The following KRT1 variants were observed in gnomAD, a reference collection of about 807,000 sequenced individuals.
KRT1 encodes the protein keratin, type II cytoskeletal 1.
KRT1 carries 28 observed loss-of-function variants against 51.6 expected under a neutral mutation model. That is an observed-to-expected ratio of 0.54 (90% CI 0.40 to 0.74). The LOEUF is 0.74. KRT1 is among the 30% of genes least tolerant of loss of function. The pLI is 0.00. For synonymous variants in KRT1, 301 were observed against 307.7 expected (o/e 0.98, Z 0.23); for missense variants, 783 against 815.5 (o/e 0.96, Z 0.49).
Position 52,680,087 on chromosome 12 carries a change from T to C in KRT1, c.262A>G (p.Ser88Gly), listed in dbSNP as rs1941564164. 1 of 1,555,904 alleles carries C rather than the reference T, an allele frequency of 6.4e-7. No homozygotes were observed. Among genetic ancestry groups the C allele is most frequent in the Non-Finnish European group, 8.7e-7 (1 of 1,149,748 alleles). The change falls in exon 1 of 9, where the codon AGT (serine) becomes GGT (glycine). Residue 88 changes from serine to glycine, a missense_variant. Ser to Gly is a moderately conservative substitution (Grantham distance 56). Transcript: ENST00000252244. ...ISVARGGGRG[S>G]GFGGGYGGGG... The stretch of plus-strand genomic sequence containing the variant: ...CCACCATAACCACCACCAAAGCCAC[T>C]ACCACGTCCACCTCCTCTAGCCACA...
intron 5 of KRT1, 56 bp from the exon 6 acceptor site, chr12:52,677,240 C>A: frequency 6.2e-7 from 1 of 1,614,182 alleles, no homozygotes; most frequent in African/African-American, 1.3e-5. Flanking sequence ...ATGGCACAGG[C>A]ACACATACAT....
At chr12:52,677,605 A>G (rs1260824103) in intron 4 of KRT1, 45 bp downstream of exon 4, 7 of 1,607,502 alleles carry the variant, frequency 4.4e-6, no homozygotes, top group Non-Finnish European at 6.0e-6. Flanking sequence ...TTCAGGCTTA[A>G]AAACTCTCCA....
intron 3 of KRT1, 108 bp downstream of exon 3, chr12:52,678,055 G>T: frequency 9.5e-7 from 1 of 1,048,086 alleles, no homozygotes; most frequent in Non-Finnish European, 1.5e-6. Flanking sequence ...ATACTCCCCA[G>T]GTCTACTACC....
In KRT1 at chr12:52,675,213, A is replaced by C; in HGVS notation, c.1915T>G (p.Tyr639Asp). 6.2e-7 allele frequency: 1 copy of C among 1,613,874 alleles called. No individual in the cohort carries two copies. Among genetic ancestry groups the C allele is most frequent in the Non-Finnish European group, 8.5e-7 (1 of 1,180,034 alleles). Residue 639 changes from tyrosine to aspartate, a missense_variant, in exon 9 of 9, where the codon TAT becomes GAT. Physicochemically the swap from Tyr to Asp is radical, Grantham distance 160. Transcript: ENST00000252244. Reference protein sequence around the residue: ...SSSVKFVSTTYSGVTR With the variant: ...SSSVKFVSTTDSGVTR ...TCTCTTTATCTGGTTACTCCGGAAT[A>C]AGTGGTAGAAACAAACTTCACGCTG...
In KRT1 at chr12:52,674,828, A is replaced by C. The variant is rs752451295; in HGVS notation, c.*365T>G. 5 of 390,774 alleles carry C rather than the reference A, an allele frequency of 1.3e-5. No homozygotes were observed. The highest frequency in any genetic ancestry group is 2.0e-5 in the African/African-American group (1 of 49,150). The allele number at this position is 390,774 out of a possible 1,614,324, so 24.2% of individuals were successfully genotyped here. On this transcript the variant is annotated 3_prime_UTR_variant, in exon 9 of 9. Transcript: ENST00000252244. ...AAAACAACTTGCTTACACCTTATGT[A>C]CAAAACCAAAACAGCACAGAGATAA...
Position 52,678,557 on chromosome 12 carries a change from T to G in KRT1, c.791A>C (p.Glu264Ala). 1 of 1,614,242 alleles carries G rather than the reference T, an allele frequency of 6.2e-7. No homozygotes were observed. The highest frequency in any genetic ancestry group is 8.5e-7 in the Non-Finnish European group (1 of 1,180,038). Residue 264 changes from glutamate (E) to alanine (A), a missense_variant, in exon 2 of 9, where the codon GAG (glutamate) becomes GCG (alanine). By Grantham distance (107) the Glu-to-Ala change is moderately radical. Coordinates refer to ENST00000252244, the MANE Select transcript of KRT1 (RefSeq NM_006121.4). ...GGTCCCTTACTTGTTCCGGTAATCC[T>G]CCACCATGTCCTGCATGTTCTTCAG... ...SELKNMQDMV[E>A]DYRNKYEDEI...
intron 2 of KRT1, 29 bp from the exon 3 acceptor site, chr12:52,678,252 T>C (rs751665484): frequency 6.2e-7 from 1 of 1,611,602 alleles, no homozygotes; most frequent in Non-Finnish European, 8.5e-7. Context: ...AATTAGGAGA[T>C]TCAGAGGTGG....
At chr12:52,677,775 C>T (rs763445742) in intron 3 of KRT1, 30 bp from the exon 4 acceptor site, 5 of 1,588,634 alleles carry the variant, frequency 3.1e-6, no homozygotes, top group African/African-American at 1.3e-5. Context: ...CATGAAGGCA[C>T]ATTCTCTCCA....
In KRT1 at chr12:52,680,083, C is replaced by T; in HGVS notation, c.266G>A (p.Gly89Asp). ...SVARGGGRGS[G>D]FGGGYGGGGF... is the part of the protein sequence containing the mutation. ...ACCACCACCATAACCACCACCAAAG[C>T]CACTACCACGTCCACCTCCTCTAGC... The change falls in exon 1 of 9, where the codon GGC becomes GAC. Residue 89 changes from glycine (G) to aspartate (D), a missense_variant. Transcript: ENST00000252244. The T allele has an allele frequency of 2.6e-6, 4 of 1,556,038 alleles. No individual in the cohort carries two copies. Among genetic ancestry groups the T allele is most frequent in the Non-Finnish European group, 3.5e-6 (4 of 1,149,606 alleles).
chr12:52,677,847 T>C (rs1400152174), intron 3 of KRT1, 102 bp from the exon 4 acceptor site: 36 of 989,076 alleles, frequency 3.6e-5, no homozygotes, highest in Non-Finnish European at 5.8e-5. Context: ...GCTTTGGGTC[T>C]ACTCCACTCC....
Position 52,675,229 on chromosome 12 carries a change from C to T in KRT1, c.1899G>A (p.Lys633=), listed in dbSNP as rs1315237551. The T allele has an allele frequency of 1.2e-6, 2 of 1,613,846 alleles. No individual in the cohort carries two copies. Among genetic ancestry groups the T allele is most frequent in the African/African-American group, 1.3e-5 (1 of 74,926 alleles). Residue 633 remains lysine, a synonymous_variant, in exon 9 of 9, where the codon AAG becomes AAA. Transcript: ENST00000252244. ...CTCCGGAATAAGTGGTAGAAACAAA[C>T]TTCACGCTGGAACTGCCACCAGAGG... ...VKSSGGSSSV[K]FVSTTYSGVT...
At chr12:52,678,900 A>G in intron 1 of KRT1, 144 bp from the exon 2 acceptor site, 1 of 789,964 alleles carries the variant, frequency 1.3e-6, no homozygotes, top group East Asian at 2.7e-5. Context: ...AGTTAATATC[A>G]TCTGCATAAT....
chr12:52,675,560 C>T lies in KRT1; in HGVS notation c.1568G>A (p.Gly523Asp). The T allele has an allele frequency of 1.9e-6, 3 of 1,614,100 alleles. No individual in the cohort carries two copies. The highest frequency in any genetic ancestry group is 1.1e-5 in the South Asian group (1 of 91,078). ...GCTGCTACCTCCAGAGCCGTAGCCA[C>T]CGCCGCCACCTCCTCGGCTGCCACC... Reference protein sequence around the residue: ...SGGGSRGGGGGGYGSGGSSYG... With the variant: ...SGGGSRGGGGDGYGSGGSSYG... The change falls in exon 9 of 9, where the codon GGT becomes GAT. Residue 523 changes from glycine (G) to aspartate (D), a missense_variant. Coordinates refer to ENST00000252244, the MANE Select transcript of KRT1 (RefSeq NM_006121.4).
chr12:52,679,919 C>A lies in KRT1; in HGVS notation c.430G>T (p.Gly144Cys), dbSNP rs557388955. Residue 144 changes from glycine (G) to cysteine (C), a missense_variant, in exon 1 of 9, where the codon GGT (glycine) becomes TGT (cysteine). Coordinates refer to ENST00000252244, the MANE Select transcript of KRT1 (RefSeq NM_006121.4). ...ATGCCACCAGGAGGGCAGACAGGAC[C>A]ATAACCACCCCCATATCCACCACCC... Reference protein sequence around the residue: ...FGGGGYGGGYGPVCPPGGIQE... With the variant: ...FGGGGYGGGYCPVCPPGGIQE... The A allele has an allele frequency of 5.0e-6, 8 of 1,613,870 alleles. No homozygotes were observed. The East Asian group carries it at 8.9e-5, about 18-fold the overall frequency.
Position 52,680,030 on chromosome 12 carries a change from C to G in KRT1, c.319G>C (p.Gly107Arg). The G allele has an allele frequency of 6.4e-7, 1 of 1,553,400 alleles. No homozygotes were observed. Among genetic ancestry groups the G allele is most frequent in the South Asian group, 1.2e-5 (1 of 85,158 alleles). ...GGFGGGGFGG[G>R]GFGGGGIGGG... ...CCAATGCCACCTCCACCAAAGCCAC[C>G]ACCACCAAAGCCACCACCACCAAAG... Residue 107 changes from glycine to arginine, a missense_variant, in exon 1 of 9, where the codon GGT becomes CGT. Physicochemically the swap from Gly to Arg is moderately radical, Grantham distance 125. Coordinates refer to ENST00000252244, the MANE Select transcript of KRT1 (RefSeq NM_006121.4).
chr12:52,678,734 T>C lies in KRT1; in HGVS notation c.614A>G (p.Asn205Ser). Residue 205 changes from asparagine (N) to serine (S), a missense_variant, in exon 2 of 9, where the codon AAC becomes AGC. Coordinates refer to ENST00000252244, the MANE Select transcript of KRT1 (RefSeq NM_006121.4). ...IDKVRFLEQQNQVLQTKWELL... is the reference protein window; with the variant it reads ...IDKVRFLEQQSQVLQTKWELL... ...CTCCCATTTTGTTTGCAGTACCTGG[T>C]TCTGCTGCTCCAGGAACCTCACCTA... 6.2e-7 allele frequency: 1 copy of C among 1,614,156 alleles called. No individual in the cohort carries two copies.
intron 1 of KRT1, among the ~76,000 whole-genome samples, chr12:52,679,351 T>A (rs906808307): frequency 2.6e-5 from 4 of 152,186 alleles, no homozygotes; most frequent in African/African-American, 9.7e-5. Flanking sequence ...TGTTTTCTGC[T>A]ACAATAACAC....
At chr12:52,676,600 A>T in intron 6 of KRT1, 105 bp from the exon 7 acceptor site, 1 of 1,148,146 alleles carries the variant, frequency 8.7e-7, no homozygotes. Context: ...GTCCAACAGA[A>T]CCACTTGGCC....
At position 52,680,315 on chromosome 12, in the gene KRT1, G is replaced by A. The variant is rs1197654607; in HGVS notation, c.34C>T (p.Arg12Ter). The change falls in exon 1 of 9, where the codon CGA (arginine) becomes TGA (stop). Residue 12 changes from arginine to a stop codon, truncating the protein, a stop_gained. Transcript: ENST00000252244. LOFTEE classifies it high-confidence loss of function. ...SRQFSSRSGYRSGGGFSSGSA... is the reference protein window; with the variant it reads ...SRQFSSRSGY ...CCAGAGCTGAAGCCCCCTCCACTTC[G>A]GTACCCAGACCTGGAACTAAACTGT... The A allele has an allele frequency of 3.1e-6, 5 of 1,614,056 alleles. No homozygotes were observed. The highest frequency in any genetic ancestry group is 1.3e-5 in the African/African-American group (1 of 74,982).
Sources: gnomAD v4.1 joint callset for allele counts (sites outside exome capture counted in the v4.1 genomes callset) on GRCh38, gnomAD v4.1.1 for gene constraint, MANE v1.5 for transcripts, NCBI Gene and HGNC (gene_info 2026-07-23, HGNC 2026-07-21) for gene names.